JUND: variants seen among roughly 807,000 people sequenced by gnomAD.
JUND encodes transcription factor JunD.
Under a neutral mutation model 7.1 loss-of-function variants are expected in JUND, and 2 were observed. That is an observed-to-expected ratio of 0.28 (90% CI 0.11 to 0.88). The LOEUF is 0.88. Ranked by LOEUF, JUND falls within the 40% of genes least tolerant of loss-of-function variation. The probability of loss-of-function intolerance (pLI) is 0.60; values close to 1 mark genes in which losing one functional copy is unlikely to be tolerated. For synonymous variants in JUND, 335 were observed against 263.2 expected (o/e 1.27, Z -2.64); for missense variants, 479 against 519.1 (o/e 0.92, Z 0.75).
At position 18,280,920 on chromosome 19, in the gene JUND, G is replaced by T. The variant is rs1969933781; in HGVS notation, c.565C>A (p.Pro189Thr). The T allele has an allele frequency of 3.4e-6, 4 of 1,165,594 alleles. No homozygotes were observed. The African/African-American group carries it at 4.9e-5, about 14-fold the overall frequency. 72.2% of individuals were successfully genotyped at this position (1,165,594 alleles called of 1,614,324 possible). The stretch of plus-strand genomic sequence containing the variant: ...AGGTTCGCGTAGACAGGCGCTTCGG[G>T]CGCGGCCGCCGCCGGGGCCAGCTCG... ...PGELAPAAAA[P>T]EAPVYANLSS... The change falls in exon 1 of 1, where the codon CCC becomes ACC. Residue 189 changes from proline to threonine, a missense_variant. Transcript: ENST00000252818. This position sits in a 1 kb window ranked among gnomAD's most constrained non-coding sequence, Gnocchi z 4.1.
Position 18,280,729 on chromosome 19 carries a change from G to C in JUND, c.756C>G (p.Phe252Leu). The C allele has an allele frequency of 6.2e-7, 1 of 1,609,350 alleles. No individual in the cohort carries two copies. Among genetic ancestry groups the C allele is most frequent in the Non-Finnish European group, 8.5e-7 (1 of 1,179,480 alleles). The change falls in exon 1 of 1, where the codon TTC (phenylalanine) becomes TTG (leucine). Residue 252 changes from phenylalanine (F) to leucine (L), a missense_variant. By Grantham distance (22) the Phe-to-Leu change is conservative. Transcript: ENST00000252818. This position sits in a 1 kb window ranked among gnomAD's most constrained non-coding sequence, Gnocchi z 4.1. ...TGGGCGACAACGGCGGGCTCTCGCC[G>C]AAGCTCGGCACGTCGGGCACCGTCT... ...EPQTVPDVPS[F>L]GESPPLSPID...
chr19:18,280,490 A>T lies in JUND; in HGVS notation c.995T>A (p.Val332Asp). 1 of 1,592,078 alleles carries T rather than the reference A, an allele frequency of 6.3e-7. No individual in the cohort carries two copies. Among genetic ancestry groups the T allele is most frequent in the Non-Finnish European group, 8.5e-7 (1 of 1,169,828 alleles). Residue 332 changes from valine (V) to aspartate (D), a missense_variant, in exon 1 of 1, where the codon GTC becomes GAC. Physicochemically the swap from Val to Asp is radical, Grantham distance 152. Transcript: ENST00000252818. The surrounding 1 kb of genome is among the most constrained non-coding windows in gnomAD (Gnocchi z 4.1). ...AQLKQKVLSH[V>D]NSGCQLLPQH... ...GGGCAGCAGCTGGCAGCCGCTGTTG[A>T]CGTGGCTGAGGACTTTCTGCTTGAG... is the stretch of plus-strand genomic sequence containing the variant.
rs1381051769 is a variant in JUND, at chr19:18,281,538, GGGGCCCGCGCCCCCCCGTCCGCTC to G, written c.-78_-55del. ...GGGGGGAGTGGCCGCGGCCTCCCGG[GGGGCCCGCGCCCCCCCGTCCGCTC>G]GGCCCTGCGCCCGCCCCGGCCGCGG... On this transcript the variant is annotated 5_prime_UTR_variant, in exon 1 of 1. Coordinates refer to ENST00000252818, the MANE Select transcript of JUND (RefSeq NM_005354.6). The G allele has an allele frequency of 6.1e-6, 6 of 978,584 alleles. No individual in the cohort carries two copies. The highest frequency in any genetic ancestry group is 4.4e-5 in the East Asian group (1 of 22,534). 60.6% of individuals were successfully genotyped at this position (978,584 alleles called of 1,614,324 possible).
chr19:18,281,404 G>A lies in JUND; in HGVS notation c.81C>T (p.Ser27=). 7.4e-7 allele frequency: 1 copy of A among 1,350,974 alleles called. No individual in the cohort carries two copies. Among genetic ancestry groups the A allele is most frequent in the Non-Finnish European group, 9.4e-7 (1 of 1,059,582 alleles). The allele number at this position is 1,350,974 out of a possible 1,614,324, so 83.7% of individuals were successfully genotyped here. A position where few individuals can be genotyped will look rare whatever the true frequency, so the allele number is the denominator to read the frequency against. Residue 27 remains serine (S), a synonymous_variant, in exon 1 of 1, where the codon TCC becomes TCT. Transcript: ENST00000252818. ...GASGSGGSFA[S]PGRLFPGAPP... is the part of the protein sequence containing the mutation. ...GCGCCCCGGGGAACAAGCGGCCCGG[G>A]GACGCGAAGCTGCCGCCGCTGCCAC...
Position 18,280,995 on chromosome 19 carries a change from C to T in JUND, c.490G>A (p.Ala164Thr). The T allele has an allele frequency of 1.7e-6, 2 of 1,201,780 alleles. No homozygotes were observed. Among genetic ancestry groups the T allele is most frequent in the Non-Finnish European group, 1.0e-6 (1 of 970,314 alleles). 74.4% of individuals were successfully genotyped at this position (1,201,780 alleles called of 1,614,324 possible). A position where few individuals can be genotyped will look rare whatever the true frequency, so the allele number is the denominator to read the frequency against. The change falls in exon 1 of 1, where the codon GCC becomes ACC. Residue 164 changes from alanine to threonine, a missense_variant. By Grantham distance (58) the Ala-to-Thr change is moderately conservative. Coordinates refer to ENST00000252818, the MANE Select transcript of JUND (RefSeq NM_005354.6). The surrounding 1 kb of genome is among the most constrained non-coding windows in gnomAD (Gnocchi z 4.1). ...GTGCCCGAGGGCCCCCCGGCGGCGG[C>T]GGCGGCGGCGGCAGCGGCCGCGCCC... ...GAGAAAAAAAAAAGGPSGTAT... is the reference protein window; with the variant it reads ...GAGAAAAAAATAAGGPSGTAT...
chr19:18,280,406 G>C lies in JUND; in HGVS notation c.*35C>G, dbSNP rs966424025. 2.3e-5 allele frequency: 36 copies of C among 1,536,610 alleles called. No individual in the cohort carries two copies. Among genetic ancestry groups the C allele is most frequent in the Non-Finnish European group, 3.1e-5 (36 of 1,144,664 alleles). On this transcript the variant is annotated 3_prime_UTR_variant, in exon 1 of 1. Coordinates refer to ENST00000252818, the MANE Select transcript of JUND (RefSeq NM_005354.6). This position sits in a 1 kb window ranked among gnomAD's most constrained non-coding sequence, Gnocchi z 4.1. ...CACCCCCCCGCGAGCCCGCCCCTTGGGGAGGGTGGCCGCGCATGCGCCCCG... is the reference window on the plus strand; with the variant it reads ...CACCCCCCCGCGAGCCCGCCCCTTGCGGAGGGTGGCCGCGCATGCGCCCCG...
chr19:18,280,388 C>G lies in JUND; in HGVS notation c.*53G>C, dbSNP rs1969920975. On this transcript the variant is annotated 3_prime_UTR_variant, in exon 1 of 1. Transcript: ENST00000252818. This position sits in a 1 kb window ranked among gnomAD's most constrained non-coding sequence, Gnocchi z 4.1. ...AGTCCGGGGCGCCCACGACACCCCC[C>G]CGCGAGCCCGCCCCTTGGGGAGGGT... is the stretch of plus-strand genomic sequence containing the variant. 1 of 1,522,220 alleles carries G rather than the reference C, an allele frequency of 6.6e-7. No individual in the cohort carries two copies. The highest frequency in any genetic ancestry group is 2.5e-5 in the East Asian group (1 of 40,490). The allele number at this position is 1,522,220 out of a possible 1,614,324, so 94.3% of individuals were successfully genotyped here. A position where few individuals can be genotyped will look rare whatever the true frequency, so the allele number is the denominator to read the frequency against.
rs1268562479 is a variant in JUND at position 18,281,257 on chromosome 19, G to A, written c.228C>T (p.Asp76=). Residue 76 remains aspartate, a synonymous_variant, in exon 1 of 1, where the codon GAC becomes GAT. Coordinates refer to ENST00000252818, the MANE Select transcript of JUND (RefSeq NM_005354.6). The part of the protein sequence containing the change: ...AAPPPTPLRA[D]GAPSAAPPDG... Reference sequence around the variant, plus strand: ...CGGGGGGTGCCGCGCTGGGGGCGCCGTCGGCGCGCAGGGGGGTAGGAGGCG... The same window carrying A: ...CGGGGGGTGCCGCGCTGGGGGCGCCATCGGCGCGCAGGGGGGTAGGAGGCG... The A allele has an allele frequency of 4.8e-6, 7 of 1,467,358 alleles. No individual in the cohort carries two copies. The highest frequency in any genetic ancestry group is 5.4e-6 in the Non-Finnish European group (6 of 1,114,276). 90.9% of individuals were successfully genotyped at this position (1,467,358 alleles called of 1,614,324 possible).
In JUND at chr19:18,281,026, G is replaced by A. The variant is rs1437639171; in HGVS notation, c.459C>T (p.Leu153=). ...ALEDLHKQNQ[L]GAGAAAAAAA... is the part of the protein sequence containing the mutation. ...CGGCGGCAGCGGCCGCGCCCGCGCCGAGCTGGTTCTGCTTGTGTAAATCCT... is the reference window on the plus strand; with the variant it reads ...CGGCGGCAGCGGCCGCGCCCGCGCCAAGCTGGTTCTGCTTGTGTAAATCCT... Residue 153 remains leucine (L), a synonymous_variant, in exon 1 of 1, where the codon CTC becomes CTT. Coordinates refer to ENST00000252818, the MANE Select transcript of JUND (RefSeq NM_005354.6). 3 of 1,410,780 alleles carry A rather than the reference G, an allele frequency of 2.1e-6. No individual in the cohort carries two copies. Among genetic ancestry groups the A allele is most frequent in the South Asian group, 1.6e-5 (1 of 62,058 alleles). 87.4% of individuals were successfully genotyped at this position (1,410,780 alleles called of 1,614,324 possible).
At position 18,280,246 on chromosome 19, in the gene JUND, G is replaced by T. The variant is rs1969912476; in HGVS notation, c.*195C>A. On this transcript the variant is annotated 3_prime_UTR_variant, in exon 1 of 1. Transcript: ENST00000252818. This position sits in a 1 kb window ranked among gnomAD's most constrained non-coding sequence, Gnocchi z 4.1. ...GCGCTCGCCCCCCCGGGAGCAGGGG[G>T]TCCAGCTTGTCGAGTCCTGGGCACC... The T allele has an allele frequency of 7.1e-6, 4 of 566,440 alleles. No homozygotes were observed. The highest frequency in any genetic ancestry group is 1.2e-5 in the Non-Finnish European group (4 of 330,136). The allele number at this position is 566,440 out of a possible 1,614,324, so 35.1% of individuals were successfully genotyped here.
rs756529514 is a variant in JUND at position 18,281,071 on chromosome 19, C to G, written c.414G>C (p.Glu138Asp). The G allele has an allele frequency of 1.3e-5, 20 of 1,572,956 alleles. No homozygotes were observed. The African/African-American group carries it at 2.2e-4, about 18-fold the overall frequency. The change falls in exon 1 of 1, where the codon GAG becomes GAC. Residue 138 changes from glutamate (E) to aspartate (D), a missense_variant. By Grantham distance (45) the Glu-to-Asp change is conservative. This residue lies in a region of JUND where 374 missense variants were observed against 365.4 expected (regional missense o/e 1.02). Coordinates refer to ENST00000252818, the MANE Select transcript of JUND (RefSeq NM_005354.6). ...AATCCTCCAGGGCCTTGACGAAGCC[C>G]TCGGCGAACTCCTGCTCCTCGCTGG... ...VAASEEQEFAEGFVKALEDLH... is the reference protein window; with the variant it reads ...VAASEEQEFADGFVKALEDLH...
rs775288517 is a variant in JUND, at chr19:18,281,205, C to G, written c.280G>C (p.Gly94Arg). 1 of 1,518,480 alleles carries G rather than the reference C, an allele frequency of 6.6e-7. No homozygotes were observed. Among genetic ancestry groups the G allele is most frequent in the South Asian group, 1.2e-5 (1 of 82,472 alleles). The allele number at this position is 1,518,480 out of a possible 1,614,324, so 94.1% of individuals were successfully genotyped here. A position where few individuals can be genotyped will look rare whatever the true frequency, so the allele number is the denominator to read the frequency against. ...PDGLLASPDL[G>R]LLKLASPELE... ...TCGGGGGAGGCCAGCTTCAGCAGCC[C>G]CAGGTCGGGAGAGGCGAGCAGGCCG... The change falls in exon 1 of 1, where the codon GGG becomes CGG. Residue 94 changes from glycine (G) to arginine (R), a missense_variant. Physicochemically the swap from Gly to Arg is moderately radical, Grantham distance 125. Transcript: ENST00000252818.
Position 18,281,578 on chromosome 19 carries a change from C to CCGGCCG in JUND, c.-100_-95dup, listed in dbSNP as rs982959593. The CCGGCCG allele has an allele frequency of 3.1e-5, 11 of 356,950 alleles. No homozygotes were observed. The highest frequency in any genetic ancestry group is 3.5e-5 in the Non-Finnish European group (9 of 258,264). 22.1% of individuals were successfully genotyped at this position (356,950 alleles called of 1,614,324 possible). On this transcript the variant is annotated 5_prime_UTR_variant, in exon 1 of 1. Transcript: ENST00000252818. The stretch of plus-strand genomic sequence containing the variant: ...CCGTCCGCTCGGCCCTGCGCCCGCC[C>CCGGCCG]CGGCCGCGGCCGCAGCGCCCGGCCC...
In JUND at chr19:18,280,384, C is replaced by T. The variant is rs1969920904; in HGVS notation, c.*57G>A. 2.6e-6 allele frequency: 4 copies of T among 1,518,666 alleles called. No individual in the cohort carries two copies. Among genetic ancestry groups the T allele is most frequent in the South Asian group, 2.4e-5 (2 of 82,300 alleles). 94.1% of individuals were successfully genotyped at this position (1,518,666 alleles called of 1,614,324 possible). On this transcript the variant is annotated 3_prime_UTR_variant, in exon 1 of 1. Transcript: ENST00000252818. The surrounding 1 kb of genome is among the most constrained non-coding windows in gnomAD (Gnocchi z 4.1). ...TCCAAGTCCGGGGCGCCCACGACAC[C>T]CCCCCGCGAGCCCGCCCCTTGGGGA...
At position 18,280,158 on chromosome 19, in the gene JUND, G is replaced by A; in HGVS notation, c.*283C>T. 5.3e-6 allele frequency: 2 copies of A among 377,854 alleles called. No individual in the cohort carries two copies. Among genetic ancestry groups the A allele is most frequent in the South Asian group, 5.5e-5 (2 of 36,666 alleles). The allele number at this position is 377,854 out of a possible 1,614,324, so 23.4% of individuals were successfully genotyped here. A position where few individuals can be genotyped will look rare whatever the true frequency, so the allele number is the denominator to read the frequency against. On this transcript the variant is annotated 3_prime_UTR_variant, in exon 1 of 1. Transcript: ENST00000252818. This position sits in a 1 kb window ranked among gnomAD's most constrained non-coding sequence, Gnocchi z 4.1. ...GTACAAAGGGGCAGCCGAGACGCGC[G>A]GGTTTGTGCAACACGGGGCGGCCGC...
chr19:18,280,776 C>T lies in JUND; in HGVS notation c.709G>A (p.Ala237Thr). Residue 237 changes from alanine (A) to threonine (T), a missense_variant, in exon 1 of 1, where the codon GCT becomes ACT. Physicochemically the swap from Ala to Thr is moderately conservative, Grantham distance 58. Transcript: ENST00000252818. The surrounding 1 kb of genome is among the most constrained non-coding windows in gnomAD (Gnocchi z 4.1). ...PPGALGPPRL[A>T]ALKDEPQTVP... is the part of the protein sequence containing the mutation. ...GTCTGTGGCTCGTCCTTGAGCGCAGCCAGGCGCGGCGGCCCCAACGCGCCT... is the reference window on the plus strand; with the variant it reads ...GTCTGTGGCTCGTCCTTGAGCGCAGTCAGGCGCGGCGGCCCCAACGCGCCT... The T allele has an allele frequency of 1.3e-6, 2 of 1,592,694 alleles. No individual in the cohort carries two copies. Among genetic ancestry groups the T allele is most frequent in the Non-Finnish European group, 1.7e-6 (2 of 1,175,864 alleles).
Position 18,280,999 on chromosome 19 carries a change from G to GGCGGCGGCA in JUND, c.477_485dup (p.Ala164_Ala166dup), listed in dbSNP as rs1969936377. 1 of 1,231,954 alleles carries GGCGGCGGCA rather than the reference G, an allele frequency of 8.1e-7. No individual in the cohort carries two copies. 76.3% of individuals were successfully genotyped at this position (1,231,954 alleles called of 1,614,324 possible). ...CCGAGGGCCCCCCGGCGGCGGCGGCGGCGGCGGCAGCGGCCGCGCCCGCGC... is the reference window on the plus strand; with the variant it reads ...CCGAGGGCCCCCCGGCGGCGGCGGCGGCGGCGGCAGCGGCGGCAGCGGCCGCGCCCGCGC... On this transcript the variant is annotated inframe_insertion, in exon 1 of 1. Coordinates refer to ENST00000252818, the MANE Select transcript of JUND (RefSeq NM_005354.6). The surrounding 1 kb of genome is among the most constrained non-coding windows in gnomAD (Gnocchi z 4.1).
Position 18,280,038 on chromosome 19 carries a change from CT to C in JUND, c.*402del, listed in dbSNP as rs1969904003. The C allele has an allele frequency of 4.3e-6, 1 of 233,442 alleles. No individual in the cohort carries two copies. Among genetic ancestry groups the C allele is most frequent in the Admixed American group, 6.2e-5 (1 of 16,066 alleles). 14.5% of individuals were successfully genotyped at this position (233,442 alleles called of 1,614,324 possible). On this transcript the variant is annotated 3_prime_UTR_variant, in exon 1 of 1. Coordinates refer to ENST00000252818, the MANE Select transcript of JUND (RefSeq NM_005354.6). This position sits in a 1 kb window ranked among gnomAD's most constrained non-coding sequence, Gnocchi z 4.1. ...ATAGGGCAGAATCGAACACTCTGTTCTTCTCTCTTCCAAAGAAAAAAAAAAA... is the reference window on the plus strand; with the variant it reads ...ATAGGGCAGAATCGAACACTCTGTTCTCTCTCTTCCAAAGAAAAAAAAAAA...
chr19:18,280,429 C>A lies in JUND; in HGVS notation c.*12G>T. ...TGGGGAGGGTGGCCGCGCATGCGCCCCGCGCGCGGACTCAGTACGCGGGCA... is the reference window on the plus strand; with the variant it reads ...TGGGGAGGGTGGCCGCGCATGCGCCACGCGCGCGGACTCAGTACGCGGGCA... On this transcript the variant is annotated 3_prime_UTR_variant, in exon 1 of 1. Coordinates refer to ENST00000252818, the MANE Select transcript of JUND (RefSeq NM_005354.6). This position sits in a 1 kb window ranked among gnomAD's most constrained non-coding sequence, Gnocchi z 4.1. 6.5e-7 allele frequency: 1 copy of A among 1,545,488 alleles called. No individual in the cohort carries two copies. The highest frequency in any genetic ancestry group is 8.7e-7 in the Non-Finnish European group (1 of 1,146,728).
Sources: gnomAD v4.1 joint callset for allele counts on GRCh38, gnomAD v4.1.1 for gene constraint, gnomAD v4.1.1 regional missense constraint, Gnocchi (gnomAD v3.1) non-coding constraint, MANE v1.5 for transcripts, NCBI Gene and HGNC (gene_info 2026-07-23, HGNC 2026-07-21) for gene names.